DYNC1I1: variants seen among roughly 807,000 people sequenced by gnomAD.
DYNC1I1 encodes dynein cytoplasmic 1 intermediate chain 1, also known as cytoplasmic dynein 1 intermediate chain 1.
In DYNC1I1, 43 loss-of-function variants were observed where a neutral mutation model predicts 86.6. The ratio of observed to expected loss-of-function variants is 0.50; its 90% CI spans 0.39 to 0.64. The LOEUF (loss-of-function observed/expected upper bound fraction) is 0.64, where lower values mean the gene tolerates loss of function less well. Among genes scored for constraint, DYNC1I1 ranks in the 30% least tolerant of loss-of-function variants. The pLI is 0.00. For synonymous variants in DYNC1I1, 262 were observed against 283.7 expected, an observed-to-expected ratio of 0.92 and a Z score of 0.77; for missense variants, 604 against 788.8, an observed-to-expected ratio of 0.77 and a Z score of 2.81.
intron 6 of DYNC1I1, among the ~76,000 whole-genome samples, chr7:95,882,453 GT>G (rs1307357528): frequency 6.6e-6 from 1 of 152,160 alleles, no homozygotes; most frequent in Non-Finnish European, 1.5e-5. Context: ...TTGAGCATCT[GT>G]TTCCCTCTAT....
chr7:95,875,353 A>T (rs1322093173), intron 6 of DYNC1I1, among the ~76,000 whole-genome samples: 1 of 152,244 alleles, frequency 6.6e-6, no homozygotes, highest in Admixed American at 6.5e-5. Flanking sequence ...CGCTTGCAGC[A>T]TTGCTAGAAT....
chr7:96,056,881 G>A (rs565246010), intron 14 of DYNC1I1, among the ~76,000 whole-genome samples: 11 of 151,980 alleles, frequency 7.2e-5, no homozygotes, highest in African/African-American at 1.9e-4. Context: ...ACCTAAATAC[G>A]GGATTGGTTT....
At chr7:95,829,697 C>T (rs1353289679) in intron 5 of DYNC1I1, among the ~76,000 whole-genome samples, 1 of 152,090 alleles carries the variant, frequency 6.6e-6, no homozygotes, top group African/African-American at 2.4e-5. Context: ...GTTGACTATG[C>T]AGATTAAAAT....
chr7:95,939,160 G>C (rs1392226796), intron 6 of DYNC1I1, among the ~76,000 whole-genome samples: 5 of 152,182 alleles, frequency 3.3e-5, no homozygotes, highest in Non-Finnish European at 7.3e-5. Context: ...TGGTCTGAGA[G>C]ACAGTTTGTT....
At chr7:95,962,830 G>GTAGTAGGT (rs1792907511) in intron 6 of DYNC1I1, among the ~76,000 whole-genome samples, 1 of 152,148 alleles carries the variant, frequency 6.6e-6, no homozygotes, top group Non-Finnish European at 1.5e-5. Context: ...CAAAATGTGT[G>GTAGTAGGT]ATGGGAAACT....
At chr7:95,870,359 A>G (rs1299990220) in intron 6 of DYNC1I1, among the ~76,000 whole-genome samples, 2 of 141,058 alleles carry the variant, frequency 1.4e-5, no homozygotes, top group Non-Finnish European at 3.1e-5. Flanking sequence ...AAGATTCATC[A>G]TTTACATGGC....
At chr7:95,877,816 C>T (rs530980375) in intron 6 of DYNC1I1, among the ~76,000 whole-genome samples, 1 of 152,280 alleles carries the variant, frequency 6.6e-6, no homozygotes, top group South Asian at 2.1e-4. Flanking sequence ...AATTGTGCCC[C>T]AGGGCAGTGT....
intron 14 of DYNC1I1, among the ~76,000 whole-genome samples, chr7:96,047,829 A>G (rs751285579): frequency 6.6e-6 from 1 of 152,142 alleles, no homozygotes; most frequent in Non-Finnish European, 1.5e-5. Context: ...CCGCTATATA[A>G]CTCATCCATG....
At chr7:95,918,420 A>G (rs1404714562) in intron 6 of DYNC1I1, among the ~76,000 whole-genome samples, 1 of 152,064 alleles carries the variant, frequency 6.6e-6, no homozygotes, top group Admixed American at 6.5e-5. Context: ...CCACTTGCTA[A>G]CCAAGGAAGA....
At chr7:96,054,779 G>A (rs879620923) in intron 14 of DYNC1I1, among the ~76,000 whole-genome samples, 9 of 152,162 alleles carry the variant, frequency 5.9e-5, no homozygotes, top group Non-Finnish European at 2.9e-5. Context: ...TTTGAGAAGT[G>A]TCTGTTCATA....
At chr7:95,790,879 G>T (rs1437735806) in intron 1 of DYNC1I1, among the ~76,000 whole-genome samples, 1 of 152,130 alleles carries the variant, frequency 6.6e-6, no homozygotes, top group Non-Finnish European at 1.5e-5. Context: ...TACCTTAGAG[G>T]CCTCTTCTCT....
At chr7:95,933,083 A>C (rs868665857) in intron 6 of DYNC1I1, among the ~76,000 whole-genome samples, 1 of 152,010 alleles carries the variant, frequency 6.6e-6, no homozygotes, top group African/African-American at 2.4e-5. Flanking sequence ...GGGTCTCACC[A>C]TGTTGCCCAG....
chr7:96,057,936 C>T (rs185890245), intron 14 of DYNC1I1, among the ~76,000 whole-genome samples: 303 of 152,244 alleles, frequency 2.0e-3, no homozygotes, highest in African/African-American at 7.0e-3. Flanking sequence ...GTGACTGAAA[C>T]ACAACTGACC....
chr7:95,790,350 C>A (rs952075258), intron 1 of DYNC1I1, among the ~76,000 whole-genome samples: 7 of 152,180 alleles, frequency 4.6e-5, no homozygotes, highest in African/African-American at 1.7e-4. Flanking sequence ...ACTGTTCCAT[C>A]CATATCTCAT....
chr7:95,978,632 T>C (rs1187061039), intron 7 of DYNC1I1, among the ~76,000 whole-genome samples: 3 of 152,122 alleles, frequency 2.0e-5, no homozygotes, highest in East Asian at 1.9e-4. Flanking sequence ...TTAAAGATGG[T>C]TGTGGCTCTG....
chr7:96,034,543 T>G (rs762402483), intron 12 of DYNC1I1, among the ~76,000 whole-genome samples: 2 of 152,142 alleles, frequency 1.3e-5, no homozygotes, highest in Non-Finnish European at 2.9e-5. Flanking sequence ...GCCTGGTCTT[T>G]CTCTCTCCCA....
intron 5 of DYNC1I1, among the ~76,000 whole-genome samples, chr7:95,848,208 G>GTTTTTTT (rs55696943): frequency 7.2e-6 from 1 of 138,790 alleles, no homozygotes; most frequent in South Asian, 2.3e-4. Flanking sequence ...ACTTACAGTT[G>GTTTTTTT]TTTTTTTTTT....
chr7:95,913,345 C>T (rs1232343335), intron 6 of DYNC1I1, among the ~76,000 whole-genome samples: 1 of 152,154 alleles, frequency 6.6e-6, no homozygotes, highest in Non-Finnish European at 1.5e-5. Context: ...TGAAAGAGAG[C>T]TGGACATGGT....
chr7:95,844,655 G>C (rs1789378952), intron 5 of DYNC1I1, among the ~76,000 whole-genome samples: 1 of 151,948 alleles, frequency 6.6e-6, no homozygotes, highest in African/African-American at 2.4e-5. Flanking sequence ...TAGGGGTGTG[G>C]AAAATGGTCC....
Sources: allele counts gnomAD v4.1 joint callset (sites outside exome capture counted in the v4.1 genomes callset), GRCh38; gene constraint gnomAD v4.1.1; transcripts MANE v1.5; gene names NCBI Gene and HGNC (gene_info 2026-07-23, HGNC 2026-07-21).